Variants in CCDC30 observed in about 807,000 individuals in gnomAD.
CCDC30 encodes coiled-coil domain-containing protein 30.
A neutral mutation model predicts 100.2 loss-of-function variants in CCDC30; 70 were observed. The observed-to-expected ratio is 0.70, with a 90% CI of 0.58 to 0.85. The LOEUF (loss-of-function observed/expected upper bound fraction) is 0.85, where lower values mean the gene tolerates loss of function less well. Ranked by LOEUF, CCDC30 falls within the 40% of genes least tolerant of loss-of-function variation. The probability of loss-of-function intolerance (pLI) is 0.00; values close to 1 mark genes in which losing one functional copy is unlikely to be tolerated. For missense variants in CCDC30, 652 were observed against 771.2 expected (o/e 0.85, Z 1.83); for synonymous variants, 233 against 269.5 (o/e 0.86, Z 1.33).
At chr1:42,499,967 C>T (rs1430340611) in intron 6 of CCDC30, among the ~76,000 whole-genome samples, 2 of 152,176 alleles carry the variant, frequency 1.3e-5, no homozygotes, top group African/African-American at 4.8e-5. Context: ...TCTTCTACCC[C>T]AGAAGGTTGT....
intron 6 of CCDC30, among the ~76,000 whole-genome samples, chr1:42,517,181 T>C (rs1261002224): frequency 6.6e-6 from 1 of 152,148 alleles, no homozygotes; most frequent in Non-Finnish European, 1.5e-5. Flanking sequence ...ACTCCTGTGC[T>C]CAAGGAATCC....
rs990519507 is a variant in CCDC30 at position 42,539,447 on chromosome 1, A to G, written c.457-26849A>G. ...CTATTATTATAGCATAAATTGCCATATACTGCCATATACTGTGGATTATGA... is the reference window on the plus strand; with the variant it reads ...CTATTATTATAGCATAAATTGCCATGTACTGCCATATACTGTGGATTATGA... On this transcript the variant is annotated intron_variant, in intron 6 of 16. Transcript: ENST00000668663. The G allele has an allele frequency of 3.5e-4, 208 of 590,284 alleles. 1 individual carries two copies. In the East Asian group the frequency reaches 6.7e-3, roughly 19 times the overall value. The allele number at this position is 590,284 out of a possible 1,614,324, so 36.6% of individuals were successfully genotyped here.
chr1:42,623,357 T>A (rs1022164155), intron 11 of CCDC30, among the ~76,000 whole-genome samples: 8 of 152,246 alleles, frequency 5.3e-5, no homozygotes, highest in Admixed American at 1.3e-4. Context: ...ATAGTACTCT[T>A]ACACTTTGAG....
intron 4 of CCDC30, among the ~76,000 whole-genome samples, chr1:42,492,925 G>A (rs35578020): frequency 0.057 from 8,689 of 152,094 alleles, 366 homozygotes; most frequent in East Asian, 0.11. Flanking sequence ...GATTACAGGC[G>A]TGAGCCACCG....
In CCDC30 at chr1:42,479,041, CT is replaced by C. The variant is rs1325983409; in HGVS notation, c.-91-1419del. 2.6e-5 allele frequency among the ~76,000 whole-genome samples: 4 copies of C among 152,256 alleles called. No individual in the cohort carries two copies. The East Asian group carries it at 5.8e-4, about 22-fold the overall frequency. On this transcript the variant is annotated intron_variant, in intron 1 of 16. Transcript: ENST00000668663. ...AACAAAGTTGGAGCACTAACACTTCCTGATTTCAAGACTTAACCATAAAGCT... is the reference window on the plus strand; with the variant it reads ...AACAAAGTTGGAGCACTAACACTTCCGATTTCAAGACTTAACCATAAAGCT...
intron 12 of CCDC30, among the ~76,000 whole-genome samples, chr1:42,639,523 G>A (rs781406762): frequency 3.9e-5 from 6 of 152,190 alleles, no homozygotes; most frequent in Non-Finnish European, 7.3e-5. Flanking sequence ...ATGTGCTGGA[G>A]CTCCCAAATA....
intron 6 of CCDC30, among the ~76,000 whole-genome samples, chr1:42,511,807 T>A (rs1644482634): frequency 6.6e-6 from 1 of 152,132 alleles, no homozygotes; most frequent in African/African-American, 2.4e-5. Context: ...TGCCATGTGC[T>A]CTCCAGACTA....
chr1:42,508,119 G>T (rs533862113), intron 6 of CCDC30, among the ~76,000 whole-genome samples: 11 of 152,304 alleles, frequency 7.2e-5, no homozygotes, highest in African/African-American at 2.6e-4. Flanking sequence ...TGGCTTCAGG[G>T]TGGAGACCTT....
chr1:42,526,204 C>A lies in CCDC30; in HGVS notation c.456+27288C>A, dbSNP rs1282318303. On this transcript the variant is annotated intron_variant, in intron 6 of 16. Transcript: ENST00000668663. ...GGCAGTTGTAGTGTCACCTAATTTC[C>A]ACCCATCTCTAGTGGAGTAAAGTCC... Among the ~76,000 whole-genome samples the A allele has an allele frequency of 7.2e-5, 11 of 152,268 alleles. No individual in the cohort carries two copies. In the South Asian group the frequency reaches 1.5e-3, roughly 20 times the overall value.
At chr1:42,485,624 G>A (rs777851535) in intron 3 of CCDC30, among the ~76,000 whole-genome samples, 6 of 152,072 alleles carry the variant, frequency 3.9e-5, no homozygotes, top group Non-Finnish European at 5.9e-5. Context: ...GTTCCAGCCT[G>A]GGTGACAGAG....
chr1:42,501,355 C>A (rs1442249756), intron 6 of CCDC30, among the ~76,000 whole-genome samples: 1 of 152,176 alleles, frequency 6.6e-6, no homozygotes, highest in African/African-American at 2.4e-5. Flanking sequence ...TCTCTGTATT[C>A]CATTCTGTTA....
intron 6 of CCDC30, 98 bp downstream of exon 9, chr1:42,545,677 T>A: frequency 9.1e-7 from 1 of 1,097,068 alleles, no homozygotes; most frequent in Non-Finnish European, 1.3e-6. Flanking sequence ...CTGGGTGCAG[T>A]GGCTTAAGTC....
At position 42,637,384 on chromosome 1, in the gene CCDC30, G is replaced by GA. The variant is rs1181742114; in HGVS notation, c.1419+12dup. ...TGCAACATAAAATAGAAAAGGTGAG[G>GA]AAAAAATAAAAGGTGAAGAGCTCAC... is the stretch of plus-strand genomic sequence containing the variant. On this transcript the variant is annotated splice_region_variant and intron_variant, in intron 12 of 16. Transcript: ENST00000668663. The GA allele has an allele frequency of 1.9e-6, 3 of 1,603,632 alleles. No homozygotes were observed. The African/African-American group carries it at 4.1e-5, about 22-fold the overall frequency.
intron 6 of CCDC30, among the ~76,000 whole-genome samples, chr1:42,526,482 T>C (rs1644726312): frequency 6.6e-6 from 1 of 152,136 alleles, no homozygotes. Context: ...CCCAGAACTA[T>C]CTCTGCTTGA....
chr1:42,554,394 C>A (rs1189537426), intron 6 of CCDC30, among the ~76,000 whole-genome samples: 1 of 151,680 alleles, frequency 6.6e-6, no homozygotes, highest in African/African-American at 2.4e-5. Context: ...TCTCCTGCCT[C>A]AGCCTCCCAA....
At chr1:42,611,041 C>G in exon 11 of CCDC30, 1 of 1,613,152 alleles carries the variant, frequency 6.2e-7, no homozygotes, top group Non-Finnish European at 8.5e-7. Context: ...GAAGGAAGCT[C>G]TACGTGAAGA....
chr1:42,468,341 T>G (rs560541046), intron 1 of CCDC30, among the ~76,000 whole-genome samples: 106 of 152,306 alleles, frequency 7.0e-4, no homozygotes, highest in African/African-American at 2.4e-3. Context: ...GTGCCCAGGA[T>G]AGCTGCTCAA....
At chr1:42,636,965 C>CAAAAAAAAAAAAAAAA (rs1166253995) in intron 11 of CCDC30, among the ~76,000 whole-genome samples, 1 of 29,518 alleles carries the variant, frequency 3.4e-5, no homozygotes, top group Non-Finnish European at 6.4e-5. Flanking sequence ...GACTCCATCT[C>CAAAAAAAAAAAAAAAA]AAAAAAAAAA....
chr1:42,468,560 A>C (rs1257419653), intron 1 of CCDC30: 2 of 152,206 alleles, frequency 1.3e-5, no homozygotes, highest in Admixed American at 1.3e-4. Flanking sequence ...TCTGTGGAAG[A>C]AGGGAATAGT....
Sources: gnomAD v4.1 joint callset for allele counts (sites outside exome capture counted in the v4.1 genomes callset) on GRCh38, gnomAD v4.1.1 for gene constraint, MANE v1.5 for transcripts, NCBI Gene and HGNC (gene_info 2026-07-23, HGNC 2026-07-21) for gene names.